Variants in ELOVL6 observed in about 807,000 individuals in gnomAD.
The protein encoded by ELOVL6 is ELOVL fatty acid elongase 6.
A neutral mutation model predicts 31.7 loss-of-function variants in ELOVL6; 8 were observed. The observed-to-expected ratio is 0.25, with a 90% CI of 0.15 to 0.45. ELOVL6 has a LOEUF of 0.45. Ranked by LOEUF, ELOVL6 falls within the 20% of genes least tolerant of loss-of-function variation. The pLI is 1.00. For missense variants in ELOVL6, 126 were observed against 326.4 expected (o/e 0.39, Z 4.73); for synonymous variants, 101 against 117.7 (o/e 0.86, Z 0.92).
At chr4:110,137,154 G>C (rs1757834793) in intron 1 of ELOVL6, among the ~76,000 whole-genome samples, 1 of 152,142 alleles carries the variant, frequency 6.6e-6, no homozygotes. Flanking sequence ...TAGAAACTTA[G>C]AAAGCTTTAA....
At chr4:110,091,867 A>G (rs1225571341) in intron 2 of ELOVL6, among the ~76,000 whole-genome samples, 3 of 152,228 alleles carry the variant, frequency 2.0e-5, no homozygotes, top group Non-Finnish European at 2.9e-5. Flanking sequence ...GGAATGAAGT[A>G]TTATGCCCCG....
intron 2 of ELOVL6, among the ~76,000 whole-genome samples, chr4:110,084,656 G>A (rs184175518): frequency 0.078 from 10,178 of 131,324 alleles, 551 homozygotes; most frequent in Non-Finnish European, 0.12. Context: ...GTACAGTGGC[G>A]TGATCTCGGC....
In ELOVL6 at chr4:110,045,878, T is replaced by A. The variant is rs1030277385; in HGVS notation, c.*5460A>T. The A allele has an allele frequency of 8.5e-5, 13 of 152,154 alleles. No homozygotes were observed. The highest frequency in any genetic ancestry group is 3.1e-4 in the African/African-American group (13 of 41,430). The allele number at this position is 152,154 out of a possible 1,614,324, so 9.4% of individuals were successfully genotyped here. A position where few individuals can be genotyped will look rare whatever the true frequency, so the allele number is the denominator to read the frequency against. On this transcript the variant is annotated 3_prime_UTR_variant, in exon 4 of 4. Coordinates refer to ENST00000302274, the MANE Select transcript of ELOVL6 (RefSeq NM_024090.3). ...TTAAATCAAAAGTTATGATTTTATT[T>A]TTAATTTTAATACACCAGGAAAAAA...
At chr4:110,179,679 C>G (rs901710252) in intron 1 of ELOVL6, among the ~76,000 whole-genome samples, 5 of 152,124 alleles carry the variant, frequency 3.3e-5, no homozygotes, top group African/African-American at 1.2e-4. Flanking sequence ...TTATATAATG[C>G]TTTGGAAAAC....
At chr4:110,082,932 A>C (rs1755920440) in intron 2 of ELOVL6, among the ~76,000 whole-genome samples, 1 of 148,748 alleles carries the variant, frequency 6.7e-6, no homozygotes, top group Non-Finnish European at 1.5e-5. Flanking sequence ...AGACATTATT[A>C]CTTGTAAGTA....
chr4:110,123,118 T>C (rs1218507160), intron 1 of ELOVL6, among the ~76,000 whole-genome samples: 1 of 152,320 alleles, frequency 6.6e-6, no homozygotes, highest in South Asian at 2.1e-4. Context: ...AATTAATAAA[T>C]GGTTTATTTG....
chr4:110,162,897 C>A (rs1758671371), intron 1 of ELOVL6, among the ~76,000 whole-genome samples: 1 of 152,148 alleles, frequency 6.6e-6, no homozygotes, highest in African/African-American at 2.4e-5. Flanking sequence ...GAAGAGAAAA[C>A]TGAGTCTTCA....
At chr4:110,077,633 C>T (rs962274679) in intron 2 of ELOVL6, among the ~76,000 whole-genome samples, 14 of 152,006 alleles carry the variant, frequency 9.2e-5, no homozygotes, top group African/African-American at 1.5e-4. Context: ...ACCACAAAGA[C>T]GGGGAAAAAA....
At chr4:110,176,086 G>T (rs72900563) in intron 1 of ELOVL6, among the ~76,000 whole-genome samples, 2,478 of 150,182 alleles carry the variant, frequency 0.017, 70 homozygotes, top group African/African-American at 0.057. Context: ...TATCTTCAGA[G>T]ATTAAAGAGT....
intron 1 of ELOVL6, among the ~76,000 whole-genome samples, chr4:110,116,178 G>A (rs988704120): frequency 6.6e-5 from 10 of 152,272 alleles, no homozygotes; most frequent in Admixed American, 5.9e-4. Flanking sequence ...AATTGCATCC[G>A]CAACATGTCC....
intron 1 of ELOVL6, among the ~76,000 whole-genome samples, chr4:110,150,438 T>C (rs1419005654): frequency 5.3e-5 from 8 of 152,156 alleles, no homozygotes; most frequent in Non-Finnish European, 7.3e-5. Flanking sequence ...ACTGGCAATT[T>C]CCATATTATT....
intron 2 of ELOVL6, among the ~76,000 whole-genome samples, chr4:110,084,101 TGATATATATGA>T: frequency 1.1e-5 from 1 of 92,100 alleles, no homozygotes; most frequent in Middle Eastern, 0.014. Flanking sequence ...AACATATATA[TGATATATATGA>T]TATATATAAC....
At chr4:110,180,707 T>C (rs1759246902) in intron 1 of ELOVL6, among the ~76,000 whole-genome samples, 1 of 152,098 alleles carries the variant, frequency 6.6e-6, no homozygotes, top group Non-Finnish European at 1.5e-5. Flanking sequence ...CCACCACACC[T>C]GGCCTATACT....
At chr4:110,101,286 C>T (rs908341527) in intron 2 of ELOVL6, among the ~76,000 whole-genome samples, 3 of 152,098 alleles carry the variant, frequency 2.0e-5, no homozygotes, top group African/African-American at 7.2e-5. Flanking sequence ...GTGATCTGCC[C>T]ACCTCAGCCT....
intron 3 of ELOVL6, among the ~76,000 whole-genome samples, chr4:110,052,307 T>G (rs927382733): frequency 2.0e-5 from 3 of 152,192 alleles, no homozygotes; most frequent in African/African-American, 7.2e-5. Context: ...TGATAAAAGG[T>G]ACCCCTCAAA....
In ELOVL6 at chr4:110,105,573, G is replaced by A. The variant is rs754954464; in HGVS notation, c.145C>T (p.His49Tyr). 6.2e-7 allele frequency: 1 copy of A among 1,613,672 alleles called. No individual in the cohort carries two copies. The part of the protein sequence containing the change: ...LYAAFIFGGR[H>Y]LMNKRAKFEL... ...AACTTTGCTCGTTTATTCATTAGGT[G>A]CCGACCACCGAATATAAAGGCAGCA... The change falls in exon 2 of 4, where the codon CAC becomes TAC. Residue 49 changes from histidine (H) to tyrosine (Y), a missense_variant. Transcript: ENST00000302274.
At chr4:110,166,220 ATGT>A (rs1391920996) in intron 1 of ELOVL6, among the ~76,000 whole-genome samples, 1 of 152,104 alleles carries the variant, frequency 6.6e-6, no homozygotes, top group Non-Finnish European at 1.5e-5. Context: ...TTTCCTTCAA[ATGT>A]TGTTGTCTTT....
At chr4:110,130,188 G>A (rs1051067280) in intron 1 of ELOVL6, among the ~76,000 whole-genome samples, 19 of 151,902 alleles carry the variant, frequency 1.3e-4, no homozygotes, top group African/African-American at 3.6e-4. Context: ...GAGCCACCGC[G>A]CCTGGCCACC....
intron 1 of ELOVL6, among the ~76,000 whole-genome samples, chr4:110,196,400 C>T (rs1759785019): frequency 6.6e-6 from 1 of 152,174 alleles, no homozygotes; most frequent in Non-Finnish European, 1.5e-5. Flanking sequence ...AGCGCGGTTC[C>T]GGCGCCCGCC....
Sources: allele counts gnomAD v4.1 joint callset (sites outside exome capture counted in the v4.1 genomes callset), GRCh38; gene constraint gnomAD v4.1.1; transcripts MANE v1.5; gene names NCBI Gene and HGNC (gene_info 2026-07-23, HGNC 2026-07-21).